RIT2: variants seen among roughly 807,000 people sequenced by gnomAD.
RIT2 encodes GTP-binding protein Rit2.
A neutral mutation model predicts 23.7 loss-of-function variants in RIT2; 24 were observed. The ratio of observed to expected loss-of-function variants is 1.01; its 90% CI spans 0.73 to 1.43. The LOEUF is 1.43. Ranked by LOEUF, RIT2 falls within the 40% of genes most tolerant of loss-of-function variation. The pLI is 0.00. For missense variants in RIT2, 236 were observed against 266.9 expected, an observed-to-expected ratio of 0.88 and a Z score of 0.81; for synonymous variants, 107 against 91.1, an observed-to-expected ratio of 1.17 and a Z score of -0.99.
Position 42,759,341 on chromosome 18 carries a change from G to A in RIT2, c.427-15621C>T, listed in dbSNP as rs529645410. ...AATTTCTGAGCTAGAATTGTTCCTGGTCATCAGGTACTCCAAATTCCATCT... is the reference window on the plus strand; with the variant it reads ...AATTTCTGAGCTAGAATTGTTCCTGATCATCAGGTACTCCAAATTCCATCT... On this transcript the variant is annotated intron_variant, in intron 4 of 4. Transcript: ENST00000326695. Among the ~76,000 whole-genome samples, 16 of 152,072 alleles carry A rather than the reference G, an allele frequency of 1.1e-4. No individual in the cohort carries two copies. The East Asian group carries it at 1.4e-3, about 13-fold the overall frequency.
intron 4 of RIT2, among the ~76,000 whole-genome samples, chr18:42,763,947 C>A (rs879540130): frequency 7.2e-5 from 11 of 152,202 alleles, no homozygotes; most frequent in Admixed American, 2.0e-4. Context: ...AATTTTTTGG[C>A]TTCACTATAA....
At chr18:43,094,276 T>C (rs1374073517) in intron 1 of RIT2, among the ~76,000 whole-genome samples, 2 of 151,926 alleles carry the variant, frequency 1.3e-5, no homozygotes, top group African/African-American at 2.4e-5. Context: ...TTGTAGAAGA[T>C]AGGTATTTGC....
At chr18:43,061,716 A>C (rs1250439958) in intron 1 of RIT2, among the ~76,000 whole-genome samples, 2 of 150,172 alleles carry the variant, frequency 1.3e-5, no homozygotes, top group Admixed American at 6.7e-5. Context: ...GCTCATAAAA[A>C]CCCCCTACTC....
intron 2 of RIT2, among the ~76,000 whole-genome samples, chr18:42,980,051 G>A (rs1340454686): frequency 6.6e-6 from 1 of 152,112 alleles, no homozygotes; most frequent in African/African-American, 2.4e-5. Context: ...GAAGTTGCAT[G>A]AGATCTGATG....
At chr18:43,091,788 T>C (rs1238073401) in intron 1 of RIT2, among the ~76,000 whole-genome samples, 1 of 152,122 alleles carries the variant, frequency 6.6e-6, no homozygotes, top group Non-Finnish European at 1.5e-5. Flanking sequence ...CCTGGTCTCT[T>C]CTCTGCCTGC....
At chr18:42,776,245 A>G (rs1786240373) in intron 4 of RIT2, among the ~76,000 whole-genome samples, 1 of 152,232 alleles carries the variant, frequency 6.6e-6, no homozygotes, top group African/African-American at 2.4e-5. Flanking sequence ...GAATAAAGAT[A>G]GGTGACAATT....
At chr18:42,766,010 G>A (rs1244591400) in intron 4 of RIT2, among the ~76,000 whole-genome samples, 1 of 152,112 alleles carries the variant, frequency 6.6e-6, no homozygotes, top group Non-Finnish European at 1.5e-5. Flanking sequence ...ATCCTCCCCA[G>A]CCATGTGGAA....
At chr18:42,834,721 A>G (rs1404972056) in intron 4 of RIT2, among the ~76,000 whole-genome samples, 1 of 152,218 alleles carries the variant, frequency 6.6e-6, no homozygotes, top group Non-Finnish European at 1.5e-5. Context: ...AAAAATATTT[A>G]AACATGCAAG....
intron 4 of RIT2, among the ~76,000 whole-genome samples, chr18:42,780,328 G>A (rs1913781774): frequency 6.6e-6 from 1 of 151,948 alleles, no homozygotes; most frequent in South Asian, 2.1e-4. Context: ...GTTAAGCTCT[G>A]CCTGAAGACT....
At chr18:42,833,294 T>C (rs772600378) in intron 4 of RIT2, among the ~76,000 whole-genome samples, 11 of 152,178 alleles carry the variant, frequency 7.2e-5, no homozygotes, top group East Asian at 1.9e-4. Flanking sequence ...TCTAGTTCCA[T>C]GTTGCTGCAA....
At chr18:42,891,887 G>T (rs1003445503) in intron 4 of RIT2, among the ~76,000 whole-genome samples, 2 of 152,066 alleles carry the variant, frequency 1.3e-5, no homozygotes, top group African/African-American at 4.8e-5. Flanking sequence ...ATAGGACATG[G>T]GCTTAGGGTA....
chr18:43,093,844 C>T (rs187722540), intron 1 of RIT2, among the ~76,000 whole-genome samples: 117 of 152,100 alleles, frequency 7.7e-4, no homozygotes, highest in Non-Finnish European at 1.3e-3. Flanking sequence ...CATCACCACA[C>T]TATCTTCACA....
At chr18:43,094,778 T>A (rs1024180387) in intron 1 of RIT2, among the ~76,000 whole-genome samples, 1 of 152,126 alleles carries the variant, frequency 6.6e-6, no homozygotes. Flanking sequence ...TTCTCATTGT[T>A]CAATTCCCAC....
intron 2 of RIT2, among the ~76,000 whole-genome samples, chr18:43,021,047 A>T (rs1911583488): frequency 6.6e-6 from 1 of 152,156 alleles, no homozygotes; most frequent in Non-Finnish European, 1.5e-5. Flanking sequence ...CTACACAGCA[A>T]AGGAAACAGT....
intron 4 of RIT2, among the ~76,000 whole-genome samples, chr18:42,878,602 T>C (rs909844372): frequency 6.6e-6 from 1 of 151,702 alleles, no homozygotes; most frequent in African/African-American, 2.4e-5. Flanking sequence ...TGTGTGTATG[T>C]GTGTATAAGT....
intron 4 of RIT2, among the ~76,000 whole-genome samples, chr18:42,829,705 T>C (rs1213131744): frequency 1.3e-5 from 2 of 152,054 alleles, no homozygotes; most frequent in Non-Finnish European, 2.9e-5. Context: ...AACTACAGGA[T>C]AACAAGGAGC....
chr18:43,028,050 C>G (rs1911773063), intron 2 of RIT2, among the ~76,000 whole-genome samples: 1 of 151,982 alleles, frequency 6.6e-6, no homozygotes, highest in African/African-American at 2.4e-5. Context: ...CATCATGGAA[C>G]CTACTTTTTA....
At chr18:42,972,357 A>G (rs1184750509) in intron 3 of RIT2, among the ~76,000 whole-genome samples, 1 of 152,014 alleles carries the variant, frequency 6.6e-6, no homozygotes, top group Non-Finnish European at 1.5e-5. Context: ...ATAGTCTTCA[A>G]ATAACTCATA....
chr18:42,920,695 A>C, intron 4 of RIT2: 1 of 1,588,186 alleles, frequency 6.3e-7, no homozygotes, highest in South Asian at 1.1e-5. Flanking sequence ...ACCTATTCTT[A>C]CCAAATATGA....
Sources: gnomAD v4.1 joint callset for allele counts (sites outside exome capture counted in the v4.1 genomes callset) on GRCh38, gnomAD v4.1.1 for gene constraint, MANE v1.5 for transcripts, NCBI Gene and HGNC (gene_info 2026-07-23, HGNC 2026-07-21) for gene names.